Variants in SPTLC1 observed in about 807,000 individuals in gnomAD.
SPTLC1 encodes the protein serine palmitoyltransferase long chain base subunit 1.
A neutral mutation model predicts 68.9 loss-of-function variants in SPTLC1; 55 were observed. The ratio of observed to expected loss-of-function variants is 0.80; its 90% CI spans 0.64 to 1.00. The LOEUF is 1.00. Among genes scored for constraint, SPTLC1 ranks in the 50% least tolerant of loss-of-function variants. SPTLC1 has a pLI of 0.00. For synonymous variants in SPTLC1, 197 were observed against 201.6 expected (o/e 0.98, Z 0.19); for missense variants, 449 against 573.1 (o/e 0.78, Z 2.21).
rs568831966 is a variant in SPTLC1, at chr9:92,110,642, G to T, written c.166-1808C>A. On this transcript the variant is annotated intron_variant, in intron 2 of 14. Coordinates refer to ENST00000262554, the MANE Select transcript of SPTLC1 (RefSeq NM_006415.4). The stretch of plus-strand genomic sequence containing the variant: ...GCACTGCTGGGAGTACTAATCTATC[G>T]ATCCCACCTAATACCATCTCTATTA... The T allele has an allele frequency of 4.6e-5, 7 of 152,014 alleles. 1 individual carries two copies. In the Middle Eastern group the frequency reaches 0.021, roughly 446 times the overall value. 9.4% of individuals were successfully genotyped at this position (152,014 alleles called of 1,614,324 possible). A position where few individuals can be genotyped will look rare whatever the true frequency, so the allele number is the denominator to read the frequency against.
chr9:92,033,246 T>C (rs1833033527), intron 14 of SPTLC1, among the ~76,000 whole-genome samples: 1 of 152,220 alleles, frequency 6.6e-6, no homozygotes. Flanking sequence ...AAAGCAGGAA[T>C]TCCATCCTTC....
intron 9 of SPTLC1, 139 bp downstream of exon 9, chr9:92,049,821 A>G (rs1021104651): frequency 8.4e-6 from 6 of 715,378 alleles, no homozygotes; most frequent in Admixed American, 4.0e-5. Flanking sequence ...GGGCTCACTG[A>G]GGTGACAGAC....
intron 3 of SPTLC1, among the ~76,000 whole-genome samples, chr9:92,090,645 A>C (rs1316415869): frequency 6.6e-6 from 1 of 151,740 alleles, no homozygotes; most frequent in African/African-American, 2.4e-5. Context: ...GACAGGAATT[A>C]CTTATGTTAA....
In SPTLC1 at chr9:92,047,668, G is replaced by A; in HGVS notation, c.929C>T (p.Ala310Val). 4 of 1,613,694 alleles carry A rather than the reference G, an allele frequency of 2.5e-6. No homozygotes were observed. The highest frequency in any genetic ancestry group is 3.4e-6 in the Non-Finnish European group (4 of 1,179,744). ...GCAGAAACCTCCAATAGAAGCAAGT[G>A]CATTCTCCATGTTGGCACTGATAAG... ...IDLISANMEN[A>V]LASIGGFCCG... Residue 310 changes from alanine to valine, a missense_variant, in exon 10 of 15, where the codon GCA becomes GTA. Coordinates refer to ENST00000262554, the MANE Select transcript of SPTLC1 (RefSeq NM_006415.4).
At chr9:92,083,137 T>A (rs1294832951) in intron 3 of SPTLC1, among the ~76,000 whole-genome samples, 1 of 151,798 alleles carries the variant, frequency 6.6e-6, no homozygotes, top group African/African-American at 2.4e-5. Context: ...ATTCTGGATA[T>A]TAGCCCTTTG....
intron 10 of SPTLC1, among the ~76,000 whole-genome samples, 157 bp from the exon 11 acceptor site, chr9:92,047,425 A>G (rs1402359435): frequency 3.3e-5 from 5 of 152,242 alleles, no homozygotes; most frequent in Non-Finnish European, 7.3e-5. Flanking sequence ...TGTAACAGCA[A>G]CAAGACTTTT....
intron 3 of SPTLC1, among the ~76,000 whole-genome samples, chr9:92,101,637 T>A (rs1349532388): frequency 2.5e-5 from 3 of 119,126 alleles, no homozygotes; most frequent in African/African-American, 9.4e-5. Flanking sequence ...AAGAATTGAA[T>A]GAATTAAATT....
intron 12 of SPTLC1, among the ~76,000 whole-genome samples, chr9:92,039,834 C>T (rs1005756180): frequency 6.6e-6 from 1 of 152,046 alleles, no homozygotes; most frequent in Non-Finnish European, 1.5e-5. Context: ...TATTAATTAG[C>T]GTCTCCTTTC....
intron 14 of SPTLC1, 126 bp from the exon 15 acceptor site, chr9:92,032,684 G>A: frequency 8.0e-7 from 1 of 1,255,388 alleles, no homozygotes. Flanking sequence ...AGACCATCCT[G>A]GCTAACACAG....
At chr9:92,088,437 A>G (rs921991015) in intron 3 of SPTLC1, among the ~76,000 whole-genome samples, 1 of 151,926 alleles carries the variant, frequency 6.6e-6, no homozygotes, top group African/African-American at 2.4e-5. Context: ...CACCTCCTCA[A>G]CTGTGATTCT....
intron 9 of SPTLC1, among the ~76,000 whole-genome samples, chr9:92,048,818 A>G (rs1833606442): frequency 6.6e-6 from 1 of 152,130 alleles, no homozygotes; most frequent in African/African-American, 2.4e-5. Context: ...GTCTCACCAA[A>G]TTTTCTTTTA....
chr9:92,078,361 C>T (rs770168337), intron 5 of SPTLC1, among the ~76,000 whole-genome samples: 3 of 152,188 alleles, frequency 2.0e-5, no homozygotes, highest in Non-Finnish European at 2.9e-5. Flanking sequence ...AAGCAAACAA[C>T]CCATTTGCAT....
At chr9:92,036,487 G>T (rs1438832892) in intron 13 of SPTLC1, among the ~76,000 whole-genome samples, 7 of 152,192 alleles carry the variant, frequency 4.6e-5, no homozygotes, top group Non-Finnish European at 1.0e-4. Context: ...TCTGAAGGAG[G>T]CAACTGTCCC....
At chr9:92,081,257 C>T (rs765635508) in intron 3 of SPTLC1, among the ~76,000 whole-genome samples, 1 of 151,970 alleles carries the variant, frequency 6.6e-6, no homozygotes, top group Non-Finnish European at 1.5e-5. Flanking sequence ...TTTTAAAACT[C>T]GCTTAAGAAT....
chr9:92,080,413 C>T (rs1416309675), intron 4 of SPTLC1, among the ~76,000 whole-genome samples: 1 of 152,250 alleles, frequency 6.6e-6, no homozygotes, highest in Non-Finnish European at 1.5e-5. Context: ...CTGTTCAGTT[C>T]TGTGGTTGCT....
intron 5 of SPTLC1, among the ~76,000 whole-genome samples, chr9:92,068,964 C>G (rs1348818532): frequency 1.3e-5 from 2 of 152,158 alleles, no homozygotes; most frequent in Non-Finnish European, 2.9e-5. Flanking sequence ...TTAACTATGG[C>G]AGGACCCAAC....
At chr9:92,050,810 G>GTTTTTTTTTTTTTTTTTT (rs1564088122) in intron 8 of SPTLC1, 1 of 72,268 alleles carries the variant, frequency 1.4e-5, no homozygotes. Flanking sequence ...GCACAATACT[G>GTTTTTTTTTTTTTTTTTT]ATTTTTTTTT....
At chr9:92,101,556 C>T (rs1417966555) in intron 3 of SPTLC1, among the ~76,000 whole-genome samples, 72 of 85,164 alleles carry the variant, frequency 8.5e-4, no homozygotes, top group African/African-American at 3.6e-3. Flanking sequence ...AGCAAGACTC[C>T]GTCTCAAAAA....
chr9:92,108,155 T>C (rs1401008053), intron 3 of SPTLC1: 2 of 155,646 alleles, frequency 1.3e-5, no homozygotes, highest in Non-Finnish European at 2.9e-5. Context: ...CTGATATCTA[T>C]ATCTATATCT....
Sources: allele counts gnomAD v4.1 joint callset (sites outside exome capture counted in the v4.1 genomes callset), GRCh38; gene constraint gnomAD v4.1.1; transcripts MANE v1.5; gene names NCBI Gene and HGNC (gene_info 2026-07-23, HGNC 2026-07-21).